Variants in RPGRIP1 observed in about 807,000 individuals in gnomAD.
The protein encoded by RPGRIP1 is X-linked retinitis pigmentosa GTPase regulator-interacting protein 1.
RPGRIP1 carries 128 observed loss-of-function variants against 157.9 expected under a neutral mutation model. That is an observed-to-expected ratio of 0.81 (90% CI 0.70 to 0.94). RPGRIP1 has a LOEUF of 0.94. Ranked by LOEUF, RPGRIP1 falls within the 40% of genes least tolerant of loss-of-function variation. The pLI is 0.00. For synonymous variants in RPGRIP1, 554 were observed against 571.6 expected, an observed-to-expected ratio of 0.97 and a Z score of 0.44; for missense variants, 1,486 against 1,545.8, an observed-to-expected ratio of 0.96 and a Z score of 0.65.
intron 1 of RPGRIP1, among the ~76,000 whole-genome samples, chr14:21,286,375 G>A (rs1880300092): frequency 6.6e-6 from 1 of 151,720 alleles, no homozygotes. Context: ...TTGGTAGGAC[G>A]GTAGTGGCAT....
At position 21,300,435 on chromosome 14, in the gene RPGRIP1, G is replaced by C. The variant is rs1880974468; in HGVS notation, c.219-531G>C. Reference sequence around the variant, plus strand: ...ATAGCACAGTGAGAGCATAGAATCAGATAGTAGCAAAAAAACCATGATTTT... The same window carrying C: ...ATAGCACAGTGAGAGCATAGAATCACATAGTAGCAAAAAAACCATGATTTT... On this transcript the variant is annotated intron_variant, in intron 3 of 24. Coordinates refer to ENST00000400017, the MANE Select transcript of RPGRIP1 (RefSeq NM_020366.4). Among the ~76,000 whole-genome samples the C allele has an allele frequency of 2.0e-5, 3 of 151,976 alleles. No individual in the cohort carries two copies. The South Asian group carries it at 6.2e-4, about 32-fold the overall frequency.
chr14:21,301,549 C>A (rs933928695), intron 4 of RPGRIP1, among the ~76,000 whole-genome samples: 9 of 151,906 alleles, frequency 5.9e-5, no homozygotes, highest in African/African-American at 2.2e-4. Flanking sequence ...TGGTGGCGCG[C>A]ACCTGTAGTC....
In RPGRIP1 at chr14:21,321,277, C is replaced by G; in HGVS notation, c.1486C>G (p.Gln496Glu). 6.2e-7 allele frequency: 1 copy of G among 1,613,134 alleles called. No homozygotes were observed. The highest frequency in any genetic ancestry group is 8.5e-7 in the Non-Finnish European group (1 of 1,179,612). Residue 496 changes from glutamine to glutamate, a missense_variant, in exon 13 of 25, where the codon CAA (glutamine) becomes GAA (glutamate). Transcript: ENST00000400017. ...TQIEPSEPKN[Q>E]EEKKLSQVLN... ...TCTACAGCCAAGTGAACCCAAAAAC[C>G]AAGAAGAAAAGAAACTGTCCCAGGT... is the stretch of plus-strand genomic sequence containing the variant.
chr14:21,315,803 A>ATTT lies in RPGRIP1; in HGVS notation c.1152-1891_1152-1890insTTT, dbSNP rs368539913. ...TAAGTAGGTTATTATTATTATTATT[A>ATTT]TTATTTTTTTTTTGAGGCAGAGTCT... On this transcript the variant is annotated intron_variant, in intron 10 of 24. Coordinates refer to ENST00000400017, the MANE Select transcript of RPGRIP1 (RefSeq NM_020366.4). 8.5e-3 allele frequency among the ~76,000 whole-genome samples: 1,251 copies of ATTT among 147,360 alleles called. 29 individuals carry two copies. The highest frequency in any genetic ancestry group is 0.03 in the African/African-American group (1,179 of 39,490).
chr14:21,290,606 T>C (rs953275780), intron 2 of RPGRIP1, among the ~76,000 whole-genome samples: 1 of 151,752 alleles, frequency 6.6e-6, no homozygotes, highest in Non-Finnish European at 1.5e-5. Flanking sequence ...GGTCAGGAGA[T>C]CGAGACCATC....
At chr14:21,291,021 T>G (rs1880508604) in intron 2 of RPGRIP1, among the ~76,000 whole-genome samples, 1 of 151,646 alleles carries the variant, frequency 6.6e-6, no homozygotes, top group Admixed American at 6.6e-5. Flanking sequence ...AAAAAAGGAT[T>G]CTTTCTCGTT....
chr14:21,304,727 G>A (rs891530423), intron 6 of RPGRIP1, among the ~76,000 whole-genome samples: 9 of 151,916 alleles, frequency 5.9e-5, no homozygotes, highest in Admixed American at 1.3e-4. Context: ...TACAATCAGT[G>A]AAACTACATT....
intron 21 of RPGRIP1, among the ~76,000 whole-genome samples, chr14:21,342,286 C>T (rs1885089987): frequency 6.6e-6 from 1 of 152,048 alleles, no homozygotes. Flanking sequence ...TCATGCCTCT[C>T]ATCTCAGCCA....
In RPGRIP1 at chr14:21,294,569, T is replaced by C. The variant is rs1880680522; in HGVS notation, c.86-108T>C. Reference sequence around the variant, plus strand: ...ACTTCCTGATTTCCTCATAAATACTTGACTCAAGATAGATTTATGCTCTCT... The same window carrying C: ...ACTTCCTGATTTCCTCATAAATACTCGACTCAAGATAGATTTATGCTCTCT... On this transcript the variant is annotated intron_variant, in intron 2 of 24. Transcript: ENST00000400017. 7.1e-6 allele frequency: 8 copies of C among 1,128,194 alleles called. No homozygotes were observed. In the East Asian group the frequency reaches 2.0e-4, roughly 29 times the overall value. The allele number at this position is 1,128,194 out of a possible 1,614,324, so 69.9% of individuals were successfully genotyped here.
At chr14:21,288,112 A>G in intron 2 of RPGRIP1, 51 bp downstream of exon 2, 2 of 1,144,102 alleles carry the variant, frequency 1.7e-6, no homozygotes, top group Admixed American at 1.7e-5. Flanking sequence ...AAGAACTCTC[A>G]CTGTGGAACA....
At chr14:21,303,997 A>AGAAAAG (rs141377760) in intron 6 of RPGRIP1, among the ~76,000 whole-genome samples, 15 of 145,668 alleles carry the variant, frequency 1.0e-4, no homozygotes, top group East Asian at 4.0e-4. Context: ...TCAAAAAAAA[A>AGAAAAG]AAAAGAAAAG....
intron 22 of RPGRIP1, among the ~76,000 whole-genome samples, chr14:21,344,176 T>C (rs2139344395): frequency 6.6e-6 from 1 of 152,228 alleles, no homozygotes; most frequent in South Asian, 2.1e-4. Flanking sequence ...TTTAAATTGG[T>C]TCTGTTATTA....
intron 10 of RPGRIP1, among the ~76,000 whole-genome samples, chr14:21,315,735 A>G (rs1447207893): frequency 6.6e-6 from 1 of 151,846 alleles, no homozygotes. Flanking sequence ...GAGTCCTTAC[A>G]TGATATATGG....
chr14:21,294,826 T>C lies in RPGRIP1; in HGVS notation c.218+17T>C, dbSNP rs747388634. 3 of 1,179,272 alleles carry C rather than the reference T, an allele frequency of 2.5e-6. No homozygotes were observed. Among genetic ancestry groups the C allele is most frequent in the East Asian group, 6.6e-5 (2 of 30,268 alleles). 73.1% of individuals were successfully genotyped at this position (1,179,272 alleles called of 1,614,324 possible). On this transcript the variant is annotated intron_variant, in intron 3 of 24. Transcript: ENST00000400017. ...GATCAAAAGGTACTTAGAGTTCTCCTTAAATTTTTTTTTTTTTTTTTTTTT... is the reference window on the plus strand; with the variant it reads ...GATCAAAAGGTACTTAGAGTTCTCCCTAAATTTTTTTTTTTTTTTTTTTTT...
chr14:21,282,838 CT>C (rs1213135646), intron 1 of RPGRIP1, among the ~76,000 whole-genome samples: 2 of 151,984 alleles, frequency 1.3e-5, no homozygotes, highest in African/African-American at 2.4e-5. Flanking sequence ...TCTTGATCTC[CT>C]GACCTTGTGA....
At chr14:21,297,526 G>A (rs1880836586) in intron 3 of RPGRIP1, among the ~76,000 whole-genome samples, 1 of 152,130 alleles carries the variant, frequency 6.6e-6, no homozygotes, top group Admixed American at 6.6e-5. Context: ...GGGAAGAATG[G>A]GAGTTCTCAA....
At chr14:21,291,276 G>C (rs1433608567) in intron 2 of RPGRIP1, among the ~76,000 whole-genome samples, 4 of 152,054 alleles carry the variant, frequency 2.6e-5, no homozygotes, top group Admixed American at 2.6e-4. Flanking sequence ...AGCTTTAACT[G>C]TTCCACAAAG....
In RPGRIP1 at chr14:21,334,674, TGC is replaced by T. The variant is rs775452764; in HGVS notation, c.3309_3310del (p.Pro1104ThrfsTer8). The T allele has an allele frequency of 3.4e-5, 55 of 1,607,414 alleles. No individual in the cohort carries two copies. In the South Asian group the frequency reaches 5.7e-4, roughly 17 times the overall value. On this transcript the variant is annotated frameshift_variant, in exon 21 of 25. Coordinates refer to ENST00000400017, the MANE Select transcript of RPGRIP1 (RefSeq NM_020366.4). LOFTEE classifies it high-confidence loss of function. ...ACTACCGACAGTGATGATGTCATAG[TGC>T]CACCCATGTCTCAGAAATATCCTAA... is the stretch of plus-strand genomic sequence containing the variant.
Position 21,321,944 on chromosome 14 carries a change from A to C in RPGRIP1, c.1702A>C (p.Lys568Gln). ...LERLTRLLDLKNNRIKQLEGI... is the reference protein window; with the variant it reads ...LERLTRLLDLQNNRIKQLEGI... ...GAGGTTGACTCGACTACTAGACCTC[A>C]AGAATAACCGTATCAAGCAGCTGGA... The change falls in exon 14 of 25, where the codon AAG becomes CAG. Residue 568 changes from lysine (K) to glutamine (Q), a missense_variant. Coordinates refer to ENST00000400017, the MANE Select transcript of RPGRIP1 (RefSeq NM_020366.4). 4 of 1,613,832 alleles carry C rather than the reference A, an allele frequency of 2.5e-6. No homozygotes were observed. The highest frequency in any genetic ancestry group is 3.4e-6 in the Non-Finnish European group (4 of 1,179,796).
Sources: allele counts gnomAD v4.1 joint callset (sites outside exome capture counted in the v4.1 genomes callset), GRCh38; gene constraint gnomAD v4.1.1; transcripts MANE v1.5; gene names NCBI Gene and HGNC (gene_info 2026-07-23, HGNC 2026-07-21).